TNFRSF10D: variants seen among roughly 807,000 people sequenced by gnomAD.
The protein encoded by TNFRSF10D is TNF receptor superfamily member 10d.
A neutral mutation model predicts 42.1 loss-of-function variants in TNFRSF10D; 28 were observed. The observed-to-expected ratio is 0.66, with a 90% CI of 0.49 to 0.91. TNFRSF10D has a LOEUF of 0.91. Ranked by LOEUF, TNFRSF10D falls within the 40% of genes least tolerant of loss-of-function variation. The pLI, the probability that TNFRSF10D is intolerant of heterozygous loss-of-function variation, is 0.00. For missense variants in TNFRSF10D, 503 were observed against 486.1 expected (o/e 1.03, Z -0.33); for synonymous variants, 186 against 189.4 (o/e 0.98, Z 0.15).
At chr8:23,148,828 A>AT (rs1554518859) in intron 2 of TNFRSF10D, among the ~76,000 whole-genome samples, 1 of 151,466 alleles carries the variant, frequency 6.6e-6, no homozygotes, top group Non-Finnish European at 1.5e-5. Context: ...AATTTTAACT[A>AT]TTTTTTAGCC....
At chr8:23,145,417 G>A (rs1041521430) in intron 5 of TNFRSF10D, among the ~76,000 whole-genome samples, 2 of 152,112 alleles carry the variant, frequency 1.3e-5, no homozygotes, top group African/African-American at 2.4e-5. Flanking sequence ...AAGATAGGAG[G>A]AACTGGCCCT....
At chr8:23,143,243 T>C (rs1800058928) in intron 7 of TNFRSF10D, among the ~76,000 whole-genome samples, 1 of 150,138 alleles carries the variant, frequency 6.7e-6, no homozygotes. Context: ...CCCAAAGTGC[T>C]GGGATTACAG....
chr8:23,154,220 G>A (rs576295339), intron 2 of TNFRSF10D, among the ~76,000 whole-genome samples: 81 of 152,338 alleles, frequency 5.3e-4, no homozygotes, highest in South Asian at 3.5e-3. Flanking sequence ...TATTTGCACG[G>A]TGGGTTGGAG....
In TNFRSF10D at chr8:23,143,329, TC is replaced by T. The variant is rs376494817; in HGVS notation, c.954+1120del. ...ATGTGTGGCTCTGCATTTACCACTT[TC>T]AAAAAATGTGCAGCGCGGCCAGGTG... On this transcript the variant is annotated intron_variant, in intron 7 of 8. Coordinates refer to ENST00000312584, the MANE Select transcript of TNFRSF10D (RefSeq NM_003840.5). Among the ~76,000 whole-genome samples, 69 of 145,272 alleles carry T rather than the reference TC, an allele frequency of 4.7e-4. No individual in the cohort carries two copies. The East Asian group carries it at 0.013, about 28-fold the overall frequency.
At chr8:23,140,293 A>C (rs1814437335) in intron 7 of TNFRSF10D, among the ~76,000 whole-genome samples, 1 of 151,878 alleles carries the variant, frequency 6.6e-6, no homozygotes, top group Non-Finnish European at 1.5e-5. Flanking sequence ...TGTCTCAAAA[A>C]GAAAAAAAAT....
intron 3 of TNFRSF10D, 90 bp from the exon 4 acceptor site, chr8:23,147,162 A>C: frequency 3.6e-6 from 4 of 1,101,890 alleles, no homozygotes; most frequent in Non-Finnish European, 4.1e-6. Context: ...CACTCAGCTC[A>C]ACTCAGTTCA....
intron 2 of TNFRSF10D, among the ~76,000 whole-genome samples, chr8:23,152,669 A>G (rs907768175): frequency 2.6e-5 from 4 of 152,266 alleles, no homozygotes; most frequent in African/African-American, 9.6e-5. Context: ...AATTTGTGAC[A>G]GAGGTGGAAG....
At chr8:23,153,639 T>G (rs376650458) in intron 2 of TNFRSF10D, among the ~76,000 whole-genome samples, 837 of 151,734 alleles carry the variant, frequency 5.5e-3, no homozygotes, top group African/African-American at 0.017. Context: ...ACATCACTAA[T>G]CAGGGAAATG....
At chr8:23,144,418 G>A (rs1357173582) in intron 7 of TNFRSF10D, 32 bp downstream of exon 7, 6 of 1,603,164 alleles carry the variant, frequency 3.7e-6, no homozygotes, top group African/African-American at 1.3e-5. Flanking sequence ...CAGGCTGCAC[G>A]CCAGGCAGGG....
intron 1 of TNFRSF10D, among the ~76,000 whole-genome samples, chr8:23,159,149 T>C (rs540561765): frequency 5.9e-3 from 899 of 152,108 alleles, no homozygotes; most frequent in African/African-American, 0.018. Context: ...TTTTTGGTTT[T>C]GAGACAGCAT....
intron 1 of TNFRSF10D, among the ~76,000 whole-genome samples, chr8:23,162,337 A>T (rs1051665675): frequency 7.9e-5 from 12 of 152,248 alleles, no homozygotes; most frequent in African/African-American, 2.9e-4. Context: ...GTCCTGACAC[A>T]GCCATTCTTC....
intron 7 of TNFRSF10D, among the ~76,000 whole-genome samples, chr8:23,144,219 A>C (rs565058469): frequency 2.0e-5 from 3 of 152,294 alleles, no homozygotes; most frequent in East Asian, 1.9e-4. Context: ...GCCTGTGGAG[A>C]TCCAGGCTCT....
rs1200930213 is a variant in TNFRSF10D, at chr8:23,138,277, G to T, written c.955-17C>A. The T allele has an allele frequency of 6.2e-7, 1 of 1,614,144 alleles. No homozygotes were observed. The highest frequency in any genetic ancestry group is 1.7e-5 in the Admixed American group (1 of 60,024). The stretch of plus-strand genomic sequence containing the variant: ...TGCCTGTTCCTGTAACACACAGTGG[G>T]GAATGCTCTGGTCAGAGTCAGGAGT... On this transcript the variant is annotated splice_polypyrimidine_tract_variant and intron_variant, in intron 7 of 8. Coordinates refer to ENST00000312584, the MANE Select transcript of TNFRSF10D (RefSeq NM_003840.5).
intron 1 of TNFRSF10D, among the ~76,000 whole-genome samples, chr8:23,160,998 G>GC (rs1367304278): frequency 6.6e-6 from 1 of 152,230 alleles, no homozygotes; most frequent in Non-Finnish European, 1.5e-5. Context: ...AGAAGCTTCT[G>GC]CCCCAAGGCC....
At chr8:23,159,132 A>G (rs1800325725) in intron 1 of TNFRSF10D, among the ~76,000 whole-genome samples, 1 of 149,972 alleles carries the variant, frequency 6.7e-6, no homozygotes, top group South Asian at 2.1e-4. Flanking sequence ...TTTTGGTTTT[A>G]TTTTGGTTTT....
rs749749418 is a variant in TNFRSF10D at position 23,144,599 on chromosome 8, G to A, written c.805C>T (p.Pro269Ser). ...FRRRSCPSRV[P>S]GAEDNARNET... The stretch of plus-strand genomic sequence containing the variant: ...TTGCGGGCATTGTCCTCCGCCCCAG[G>A]AACTCGTGAAGGACATGAACGCCGC... Residue 269 changes from proline to serine, a missense_variant, in exon 7 of 9, where the codon CCT becomes TCT. Physicochemically the swap from Pro to Ser is moderately conservative, Grantham distance 74. Transcript: ENST00000312584. 3 of 1,614,020 alleles carry A rather than the reference G, an allele frequency of 1.9e-6. No individual in the cohort carries two copies. The highest frequency in any genetic ancestry group is 3.3e-5 in the Admixed American group (2 of 60,000).
chr8:23,141,502 C>A (rs28832061), intron 7 of TNFRSF10D, among the ~76,000 whole-genome samples: 3,610 of 115,042 alleles, frequency 0.031, 165 homozygotes, highest in African/African-American at 0.099. Context: ...GAGAGTACAT[C>A]TCAAAAAAAA....
chr8:23,140,287 T>C (rs1186660678), intron 7 of TNFRSF10D, among the ~76,000 whole-genome samples: 2 of 151,522 alleles, frequency 1.3e-5, no homozygotes, highest in Non-Finnish European at 2.9e-5. Flanking sequence ...AGACTCTGTC[T>C]CAAAAAGAAA....
chr8:23,153,435 C>G (rs987874930), intron 2 of TNFRSF10D, among the ~76,000 whole-genome samples: 1 of 152,178 alleles, frequency 6.6e-6, no homozygotes, highest in African/African-American at 2.4e-5. Context: ...GACGAGACAA[C>G]ATACAGGATG....
Sources: gnomAD v4.1 joint callset for allele counts (sites outside exome capture counted in the v4.1 genomes callset) on GRCh38, gnomAD v4.1.1 for gene constraint, MANE v1.5 for transcripts, NCBI Gene and HGNC (gene_info 2026-07-23, HGNC 2026-07-21) for gene names.